CNTN5: variants seen among roughly 807,000 people sequenced by gnomAD.
CNTN5 encodes the protein contactin-5.
A neutral mutation model predicts 129.1 loss-of-function variants in CNTN5; 77 were observed. That is an observed-to-expected ratio of 0.60 (90% CI 0.50 to 0.72). The LOEUF is 0.72. CNTN5 is among the 30% of genes least tolerant of loss of function. CNTN5 has a pLI of 0.00. For missense variants in CNTN5, 1,478 were observed against 1,328.8 expected (o/e 1.11, Z -1.75); for synonymous variants, 509 against 465.6 (o/e 1.09, Z -1.20).
rs565732582 is a variant in CNTN5, at chr11:99,458,417, CG to C, written c.-70-97727del. Among the ~76,000 whole-genome samples, 678 of 151,774 alleles carry C rather than the reference CG, an allele frequency of 4.5e-3. 4 individuals are homozygous for C. Among genetic ancestry groups the C allele is most frequent in the Non-Finnish European group, 7.4e-3 (500 of 67,812 alleles). ...ACTCAGGGCTCACACATGAGAATTG[CG>C]CTATAAAAAGACTCAAGATGTTGAG... is the stretch of plus-strand genomic sequence containing the variant. On this transcript the variant is annotated intron_variant, in intron 2 of 24. Coordinates refer to ENST00000524871, the MANE Select transcript of CNTN5 (RefSeq NM_014361.4).
At chr11:99,707,880 A>G (rs1046664580) in intron 3 of CNTN5, among the ~76,000 whole-genome samples, 3 of 151,622 alleles carry the variant, frequency 2.0e-5, no homozygotes, top group East Asian at 3.9e-4. Context: ...CCAAAATGGG[A>G]AACCTATTTT....
At chr11:99,843,025 G>A (rs1379036826) in intron 4 of CNTN5, among the ~76,000 whole-genome samples, 1 of 152,166 alleles carries the variant, frequency 6.6e-6, no homozygotes, top group East Asian at 1.9e-4. Flanking sequence ...GAGGTTAGGA[G>A]TGTGAGACCA....
At chr11:99,160,751 T>C (rs1003276361) in intron 1 of CNTN5, among the ~76,000 whole-genome samples, 2 of 151,980 alleles carry the variant, frequency 1.3e-5, no homozygotes, top group African/African-American at 4.8e-5. Flanking sequence ...CAAAGATGAG[T>C]AAGACACAGA....
At chr11:100,279,760 T>G (rs1221690226) in intron 18 of CNTN5, among the ~76,000 whole-genome samples, 2 of 151,840 alleles carry the variant, frequency 1.3e-5, no homozygotes, top group African/African-American at 4.8e-5. Flanking sequence ...TTTTGTTCTA[T>G]TGATCTTTTG....
intron 2 of CNTN5, among the ~76,000 whole-genome samples, chr11:99,483,696 G>A (rs1945694718): frequency 6.6e-6 from 1 of 151,882 alleles, no homozygotes; most frequent in African/African-American, 2.4e-5. Context: ...TTGCGGGGGT[G>A]TGCTCTAATG....
At chr11:99,692,598 T>G (rs554225824) in intron 3 of CNTN5, among the ~76,000 whole-genome samples, 1 of 152,254 alleles carries the variant, frequency 6.6e-6, no homozygotes, top group Non-Finnish European at 1.5e-5. Context: ...CACTGAGAGG[T>G]CCACTGTTAA....
intron 15 of CNTN5, among the ~76,000 whole-genome samples, chr11:100,204,666 G>A (rs1030028296): frequency 2.0e-5 from 3 of 150,900 alleles, no homozygotes; most frequent in Non-Finnish European, 4.4e-5. Context: ...TATTATCAGT[G>A]ATAAACATGT....
chr11:99,190,304 G>A (rs1320523042), intron 1 of CNTN5, among the ~76,000 whole-genome samples: 3 of 151,648 alleles, frequency 2.0e-5, no homozygotes, highest in Non-Finnish European at 4.4e-5. Context: ...TAGCCTTGTA[G>A]TATATTTTGA....
chr11:100,068,711 T>TAA (rs1943788699), intron 10 of CNTN5, among the ~76,000 whole-genome samples: 1 of 152,172 alleles, frequency 6.6e-6, no homozygotes, highest in South Asian at 2.1e-4. Context: ...CTCACTATGG[T>TAA]AAAGATTTTT....
chr11:99,084,773 T>C (rs55920795), intron 1 of CNTN5, among the ~76,000 whole-genome samples: 1 of 152,204 alleles, frequency 6.6e-6, no homozygotes, highest in South Asian at 2.1e-4. Flanking sequence ...AAGCATTGCA[T>C]TGAAAAGCCT....
chr11:99,293,108 A>G (rs935504051), intron 1 of CNTN5, among the ~76,000 whole-genome samples: 1 of 45,840 alleles, frequency 2.2e-5, no homozygotes, highest in African/African-American at 9.3e-5. Context: ...TTATATACCC[A>G]GTTGGTTAAG....
chr11:100,091,079 C>T (rs1944763241), intron 13 of CNTN5, among the ~76,000 whole-genome samples: 1 of 152,112 alleles, frequency 6.6e-6, no homozygotes, highest in African/African-American at 2.4e-5. Context: ...GAGCTAACTT[C>T]TGCCTTTGTC....
chr11:100,136,788 T>TA (rs11286130), intron 13 of CNTN5, among the ~76,000 whole-genome samples: 27 of 147,588 alleles, frequency 1.8e-4, no homozygotes, highest in Admixed American at 3.4e-4. Context: ...TCCACATTGT[T>TA]AAAAAAAAAA....
At chr11:100,062,460 T>C (rs1036823316) in intron 10 of CNTN5, among the ~76,000 whole-genome samples, 1 of 152,244 alleles carries the variant, frequency 6.6e-6, no homozygotes, top group Non-Finnish European at 1.5e-5. Flanking sequence ...CATTCATTCA[T>C]TGATACAGTT....
chr11:99,736,646 A>G (rs1943720581), intron 3 of CNTN5, among the ~76,000 whole-genome samples: 1 of 152,220 alleles, frequency 6.6e-6, no homozygotes, highest in Non-Finnish European at 1.5e-5. Context: ...CCAGTTAACC[A>G]TGTATGTGAG....
chr11:99,876,434 C>T lies in CNTN5; in HGVS notation c.577+31172C>T, dbSNP rs1272827160. Among the ~76,000 whole-genome samples the T allele has an allele frequency of 2.6e-5, 4 of 152,156 alleles. No individual in the cohort carries two copies. The South Asian group carries it at 8.3e-4, about 31-fold the overall frequency. Reference sequence around the variant, plus strand: ...GTGTTCCCTTCCTACACTGCATTCTCCCTTTGTTCCAGGCAATGCATGAGC... The same window carrying T: ...GTGTTCCCTTCCTACACTGCATTCTTCCTTTGTTCCAGGCAATGCATGAGC... On this transcript the variant is annotated intron_variant, in intron 6 of 24. Transcript: ENST00000524871.
chr11:99,224,983 T>C (rs1196515023), intron 1 of CNTN5, among the ~76,000 whole-genome samples: 2 of 152,092 alleles, frequency 1.3e-5, no homozygotes, highest in African/African-American at 2.4e-5. Flanking sequence ...TAGCAGTAGC[T>C]TTTCCAAAGA....
At chr11:99,690,244 T>C (rs938826077) in intron 3 of CNTN5, among the ~76,000 whole-genome samples, 3 of 152,174 alleles carry the variant, frequency 2.0e-5, no homozygotes, top group African/African-American at 4.8e-5. Context: ...GTTATTGGTA[T>C]GTGGCTTTAG....
chr11:99,994,427 C>T (rs758367735), intron 8 of CNTN5, among the ~76,000 whole-genome samples: 9 of 152,062 alleles, frequency 5.9e-5, no homozygotes, highest in East Asian at 3.9e-4. Flanking sequence ...AATGAATTAC[C>T]GTAGCTTTGG....
Sources: allele counts gnomAD v4.1 joint callset (sites outside exome capture counted in the v4.1 genomes callset), GRCh38; gene constraint gnomAD v4.1.1; transcripts MANE v1.5; gene names NCBI Gene and HGNC (gene_info 2026-07-23, HGNC 2026-07-21).